The following PCDH11X variants were observed in gnomAD, a reference collection of about 807,000 sequenced individuals.
PCDH11X encodes the protein protocadherin-11 X-linked.
In PCDH11X, 18 loss-of-function variants were observed where a neutral mutation model predicts 53.3. The ratio of observed to expected loss-of-function variants is 0.34; its 90% CI spans 0.23 to 0.50. The LOEUF (loss-of-function observed/expected upper bound fraction) is 0.50. Ranked by LOEUF, PCDH11X falls within the 20% of genes least tolerant of loss-of-function variation. The pLI, the probability that PCDH11X is intolerant of heterozygous loss-of-function variation, is 0.98. For missense variants in PCDH11X, 570 were observed against 1,032.4 expected (o/e 0.55, Z 6.14); for synonymous variants, 279 against 393.3 (o/e 0.71, Z 3.44).
At position 91,811,286 on chromosome X, in the gene PCDH11X, A is replaced by C; in HGVS notation, c.-54A>C. On this transcript the variant is annotated 5_prime_UTR_variant, in exon 4 of 11. Coordinates refer to ENST00000682573, the MANE Select transcript of PCDH11X (RefSeq NM_032968.5). ...TGAACGACAGTGGGTTTTAATTCAG[A>C]TATTTCAAGGTGAGTTTCATATATA... 1 of 1,204,944 alleles carries C rather than the reference A, an allele frequency of 8.3e-7. No individual in the cohort carries two copies. The highest frequency in any genetic ancestry group is 1.1e-6 in the Non-Finnish European group (1 of 890,055).
chrX:92,257,098 A>G (rs956782653), intron 7 of PCDH11X, among the ~76,000 whole-genome samples: 1 of 111,633 alleles, frequency 9.0e-6, no homozygotes, highest in African/African-American at 3.3e-5. Flanking sequence ...ACCTGCAATC[A>G]TGGTGAAAGG....
intron 5 of PCDH11X, among the ~76,000 whole-genome samples, chrX:91,854,088 CAAACGCTAGGTCTTA>C (rs979796662): frequency 1.3e-4 from 14 of 111,058 alleles, no homozygotes; most frequent in African/African-American, 4.6e-4. Context: ...GTTGTGTTAG[CAAACGCTAGGTCTTA>C]TTCATTCTTT....
At chrX:92,293,216 TAC>T (rs968451631) in intron 8 of PCDH11X, among the ~76,000 whole-genome samples, 3 of 111,915 alleles carry the variant, frequency 2.7e-5, no homozygotes, top group East Asian at 5.6e-4. Flanking sequence ...TGGCATCCAA[TAC>T]AGTTTTTCAT....
chrX:92,218,948 C>T (rs1275321236), intron 7 of PCDH11X, among the ~76,000 whole-genome samples: 40 of 111,614 alleles, frequency 3.6e-4, no homozygotes, highest in African/African-American at 1.1e-3. Flanking sequence ...ACAAAAACCA[C>T]ATGATTATCT....
At chrX:92,221,772 T>G (rs751909379) in intron 7 of PCDH11X, among the ~76,000 whole-genome samples, 5 of 111,685 alleles carry the variant, frequency 4.5e-5, no homozygotes, top group Non-Finnish European at 9.4e-5. Context: ...TTTATGGGTC[T>G]ACTGTATGAC....
intron 6 of PCDH11X, among the ~76,000 whole-genome samples, chrX:92,076,993 A>G (rs2148091307): frequency 8.9e-6 from 1 of 112,013 alleles, no homozygotes; most frequent in East Asian, 2.8e-4. Flanking sequence ...CTGAGTTCCA[A>G]AACACTGACA....
At chrX:92,066,964 C>T (rs1182720544) in intron 6 of PCDH11X, among the ~76,000 whole-genome samples, 3 of 111,378 alleles carry the variant, frequency 2.7e-5, no homozygotes, top group Non-Finnish European at 5.6e-5. Context: ...ATTAGCTGGG[C>T]ATGGTGGTGC....
intron 6 of PCDH11X, among the ~76,000 whole-genome samples, chrX:92,133,978 A>G (rs1189587314): frequency 5.4e-5 from 6 of 111,756 alleles, no homozygotes; most frequent in Non-Finnish European, 9.4e-5. Flanking sequence ...TAAGATATAC[A>G]TTGGATCAGT....
At chrX:92,272,180 A>T (rs2067975608) in intron 8 of PCDH11X, among the ~76,000 whole-genome samples, 1 of 111,915 alleles carries the variant, frequency 8.9e-6, no homozygotes, top group Admixed American at 9.5e-5. Context: ...TCTTCTGAAC[A>T]TGTGTTTCTC....
At chrX:91,966,990 C>T (rs1339043439) in intron 6 of PCDH11X, among the ~76,000 whole-genome samples, 1 of 82,115 alleles carries the variant, frequency 1.2e-5, no homozygotes, top group East Asian at 4.9e-4. Context: ...CCACCCCCCA[C>T]CCCCCGACTG....
intron 6 of PCDH11X, among the ~76,000 whole-genome samples, chrX:91,952,978 T>C (rs2061659974): frequency 9.0e-6 from 1 of 110,596 alleles, no homozygotes; most frequent in Non-Finnish European, 1.9e-5. Flanking sequence ...TCTCATTTAT[T>C]TGTGGGATCT....
At chrX:92,120,520 G>C (rs1199882672) in intron 6 of PCDH11X, among the ~76,000 whole-genome samples, 2 of 112,822 alleles carry the variant, frequency 1.8e-5, no homozygotes, top group African/African-American at 6.4e-5. Flanking sequence ...TGAAAATGCA[G>C]ATTCAAAATA....
intron 6 of PCDH11X, among the ~76,000 whole-genome samples, chrX:92,086,132 A>C (rs1319074903): frequency 9.0e-6 from 1 of 111,500 alleles, no homozygotes; most frequent in Admixed American, 9.6e-5. Flanking sequence ...GCTTGTCTTA[A>C]ATTTTTGTTG....
At chrX:92,288,509 C>T (rs779237662) in intron 8 of PCDH11X, among the ~76,000 whole-genome samples, 3 of 109,004 alleles carry the variant, frequency 2.8e-5, no homozygotes, top group African/African-American at 1.0e-4. Context: ...GTAGCTGGTA[C>T]TACAGGCATG....
intron 8 of PCDH11X, among the ~76,000 whole-genome samples, chrX:92,304,306 C>T (rs1483564301): frequency 9.0e-6 from 1 of 110,924 alleles, no homozygotes; most frequent in Non-Finnish European, 1.9e-5. Context: ...GGTTATCTTG[C>T]CATCGTTGAA....
chrX:92,379,996 C>T (rs1324829839), intron 8 of PCDH11X, among the ~76,000 whole-genome samples: 1 of 101,055 alleles, frequency 9.9e-6, no homozygotes, highest in African/African-American at 3.6e-5. Flanking sequence ...CCCAACTTGC[C>T]ACGTTGGGGG....
At chrX:92,240,839 CT>C (rs58821721) in intron 7 of PCDH11X, among the ~76,000 whole-genome samples, 1,129 of 102,766 alleles carry the variant, frequency 0.011, 11 homozygotes, top group African/African-American at 0.034. Flanking sequence ...GAATAAACTA[CT>C]TTTTTTTTTT....
chrX:92,475,416 T>G (rs1316502754), intron 10 of PCDH11X, among the ~76,000 whole-genome samples: 1 of 110,761 alleles, frequency 9.0e-6, no homozygotes, highest in African/African-American at 3.3e-5. Context: ...TTCTCCTTCA[T>G]GTTTAGAGGA....
At chrX:92,050,798 G>A (rs111371098) in intron 6 of PCDH11X, among the ~76,000 whole-genome samples, 1,282 of 108,735 alleles carry the variant, frequency 0.012, 19 homozygotes, top group African/African-American at 0.04. Context: ...AATGCATGTT[G>A]AAAATTGATT....
Sources: gnomAD v4.1 joint callset for allele counts (sites outside exome capture counted in the v4.1 genomes callset) on GRCh38, gnomAD v4.1.1 for gene constraint, MANE v1.5 for transcripts, NCBI Gene and HGNC (gene_info 2026-07-23, HGNC 2026-07-21) for gene names.